The following TMEFF2 variants were observed in gnomAD, a reference collection of about 807,000 sequenced individuals.
TMEFF2 encodes the protein tomoregulin-2.
TMEFF2 carries 28 observed loss-of-function variants against 53.8 expected under a neutral mutation model. That is an observed-to-expected ratio of 0.52 (90% CI 0.39 to 0.71). TMEFF2 has a LOEUF of 0.71. TMEFF2 is among the 30% of genes least tolerant of loss of function. TMEFF2 has a pLI of 0.00. For synonymous variants in TMEFF2, 162 were observed against 166.3 expected, an observed-to-expected ratio of 0.97 and a Z score of 0.20; for missense variants, 353 against 455.2, an observed-to-expected ratio of 0.78 and a Z score of 2.04.
At chr2:192,147,188 C>G (rs1188816006) in intron 4 of TMEFF2, among the ~76,000 whole-genome samples, 1 of 151,944 alleles carries the variant, frequency 6.6e-6, no homozygotes, top group Middle Eastern at 3.2e-3. Context: ...AAAATATGGA[C>G]TGGCATCTAC....
At chr2:192,051,437 T>G (rs576171190) in intron 5 of TMEFF2, among the ~76,000 whole-genome samples, 17 of 152,298 alleles carry the variant, frequency 1.1e-4, no homozygotes, top group African/African-American at 3.8e-4. Flanking sequence ...GTCTGACCTT[T>G]TTACTTAGTA....
chr2:192,092,572 A>C (rs1485531133), intron 4 of TMEFF2, among the ~76,000 whole-genome samples: 1 of 152,166 alleles, frequency 6.6e-6, no homozygotes, highest in Non-Finnish European at 1.5e-5. Flanking sequence ...GGCCTCTCAA[A>C]GATGGCCACA....
intron 4 of TMEFF2, among the ~76,000 whole-genome samples, chr2:192,146,673 T>C (rs957733984): frequency 6.6e-6 from 1 of 151,866 alleles, no homozygotes. Flanking sequence ...GTGTAAGTTA[T>C]TCTCCAATTG....
At chr2:192,133,715 G>A (rs930064986) in intron 4 of TMEFF2, among the ~76,000 whole-genome samples, 3 of 152,012 alleles carry the variant, frequency 2.0e-5, no homozygotes, top group Non-Finnish European at 2.9e-5. Flanking sequence ...GCCTCTCTTC[G>A]CTTTCACTTG....
intron 4 of TMEFF2, among the ~76,000 whole-genome samples, chr2:192,118,290 C>T (rs1208924808): frequency 2.0e-5 from 3 of 151,956 alleles, no homozygotes; most frequent in Admixed American, 1.3e-4. Context: ...TGACTACCTA[C>T]AGCAACTGCC....
At chr2:192,103,994 A>T (rs1689092269) in intron 4 of TMEFF2, among the ~76,000 whole-genome samples, 1 of 152,004 alleles carries the variant, frequency 6.6e-6, no homozygotes. Flanking sequence ...TTTTGAGAGG[A>T]CTAACGCTTT....
chr2:192,137,382 T>C (rs894946961), intron 4 of TMEFF2, among the ~76,000 whole-genome samples: 1 of 152,094 alleles, frequency 6.6e-6, no homozygotes, highest in African/African-American at 2.4e-5. Context: ...TCCCATTGAA[T>C]TGGAGAGTGT....
At chr2:192,023,711 A>G (rs1296347398) in intron 5 of TMEFF2, among the ~76,000 whole-genome samples, 1 of 151,926 alleles carries the variant, frequency 6.6e-6, no homozygotes. Context: ...CTATGTTTCT[A>G]TTTATTAGTT....
At chr2:192,072,919 G>A (rs1370145882) in intron 4 of TMEFF2, among the ~76,000 whole-genome samples, 1 of 151,872 alleles carries the variant, frequency 6.6e-6, no homozygotes, top group Non-Finnish European at 1.5e-5. Context: ...TACTCCAAAT[G>A]AAGAGGACTC....
At chr2:192,076,399 T>C (rs557668752) in intron 4 of TMEFF2, among the ~76,000 whole-genome samples, 3 of 152,200 alleles carry the variant, frequency 2.0e-5, no homozygotes, top group African/African-American at 4.8e-5. Context: ...AAATCTTTAT[T>C]TACTTAAAAA....
intron 7 of TMEFF2, among the ~76,000 whole-genome samples, chr2:191,976,722 C>A (rs546035792): frequency 6.6e-6 from 1 of 152,158 alleles, no homozygotes; most frequent in Non-Finnish European, 1.5e-5. Context: ...AGATAGGAGG[C>A]CCATGTTGGA....
chr2:191,961,926 C>A (rs1402653751), intron 7 of TMEFF2, among the ~76,000 whole-genome samples: 1 of 152,144 alleles, frequency 6.6e-6, no homozygotes, highest in Non-Finnish European at 1.5e-5. Context: ...TGAGAAGAGT[C>A]TCTCCTTTTT....
Position 192,150,710 on chromosome 2 carries a change from T to C in TMEFF2, c.439+28958A>G, listed in dbSNP as rs185757825. Among the ~76,000 whole-genome samples, 637 of 150,958 alleles carry C rather than the reference T, an allele frequency of 4.2e-3. 15 individuals carry two copies. The highest frequency in any genetic ancestry group is 0.031 in the East Asian group (158 of 5,068). On this transcript the variant is annotated intron_variant, in intron 4 of 9. Coordinates refer to ENST00000272771, the MANE Select transcript of TMEFF2 (RefSeq NM_016192.4). ...GACACTTCATGTTTTTTTTTTTTTT[T>C]ACATTCAGTTCTAACTTCTCAGGGA...
intron 7 of TMEFF2, among the ~76,000 whole-genome samples, chr2:191,958,220 T>C (rs1395086018): frequency 6.6e-6 from 1 of 152,200 alleles, no homozygotes; most frequent in East Asian, 1.9e-4. Flanking sequence ...GTCACACTGC[T>C]GGTGTAATGA....
intron 5 of TMEFF2, among the ~76,000 whole-genome samples, chr2:192,048,778 G>A (rs1454660484): frequency 1.3e-5 from 2 of 152,050 alleles, no homozygotes; most frequent in Non-Finnish European, 2.9e-5. Flanking sequence ...TCACAGTCAG[G>A]GTTGCCACTG....
At chr2:192,048,437 G>A (rs1164443359) in intron 5 of TMEFF2, among the ~76,000 whole-genome samples, 1 of 151,084 alleles carries the variant, frequency 6.6e-6, no homozygotes, top group African/African-American at 2.4e-5. Context: ...ATCTTAGAGA[G>A]GGATGACATT....
chr2:192,193,027 A>G (rs1691500952), intron 1 of TMEFF2, among the ~76,000 whole-genome samples: 1 of 152,232 alleles, frequency 6.6e-6, no homozygotes, highest in Non-Finnish European at 1.5e-5. Context: ...TAAAGGATAA[A>G]TTAGAATGAT....
In TMEFF2 at chr2:192,130,878, G is replaced by T. The variant is rs908376456; in HGVS notation, c.439+48790C>A. On this transcript the variant is annotated intron_variant, in intron 4 of 9. Coordinates refer to ENST00000272771, the MANE Select transcript of TMEFF2 (RefSeq NM_016192.4). ...GTAGAGACAAGGAGAGAAGGGGTTG[G>T]GGTACTTGCCCCAAAACTCCGGCGC... is the stretch of plus-strand genomic sequence containing the variant. Among the ~76,000 whole-genome samples the T allele has an allele frequency of 2.6e-5, 4 of 151,538 alleles. No homozygotes were observed. In the East Asian group the frequency reaches 8.0e-4, roughly 30 times the overall value.
chr2:192,170,647 C>T (rs1302765264), intron 4 of TMEFF2, among the ~76,000 whole-genome samples: 1 of 151,962 alleles, frequency 6.6e-6, no homozygotes, highest in African/African-American at 2.4e-5. Context: ...GGAATGAATG[C>T]AGTTTAAATA....
Sources: gnomAD v4.1 joint callset for allele counts (sites outside exome capture counted in the v4.1 genomes callset) on GRCh38, gnomAD v4.1.1 for gene constraint, MANE v1.5 for transcripts, NCBI Gene and HGNC (gene_info 2026-07-23, HGNC 2026-07-21) for gene names.